The following CTSC variants were observed in gnomAD, a reference collection of about 807,000 sequenced individuals.
CTSC encodes cathepsin C.
A neutral mutation model predicts 40.9 loss-of-function variants in CTSC; 37 were observed. The observed-to-expected ratio is 0.91, with a 90% confidence interval of 0.70 to 1.19. The LOEUF is 1.19. CTSC is among the 50% of genes most tolerant of loss of function. CTSC has a pLI of 0.00. For synonymous variants in CTSC, 232 were observed against 207.4 expected, an observed-to-expected ratio of 1.12 and a Z score of -1.02; for missense variants, 594 against 567.3, an observed-to-expected ratio of 1.05 and a Z score of -0.48.
intron 2 of CTSC, chr11:88,320,729 T>C (rs1250662993): frequency 2.2e-5 from 16 of 738,038 alleles, no homozygotes; most frequent in Non-Finnish European, 2.6e-5. Context: ...ATCCAACATA[T>C]ATGGCCTGAG....
intron 4 of CTSC, among the ~76,000 whole-genome samples, chr11:88,300,892 T>A (rs1472874665): frequency 6.6e-6 from 1 of 152,052 alleles, no homozygotes; most frequent in East Asian, 1.9e-4. Context: ...ATGACACTGG[T>A]TTTGTATATC....
chr11:88,333,966 C>T (rs1306563087), intron 2 of CTSC, among the ~76,000 whole-genome samples: 1 of 152,044 alleles, frequency 6.6e-6, no homozygotes, highest in Non-Finnish European at 1.5e-5. Flanking sequence ...ATATTGTAAA[C>T]TTGCTTGGAC....
At chr11:88,329,297 C>T (rs1313804370) in intron 2 of CTSC, among the ~76,000 whole-genome samples, 7 of 151,746 alleles carry the variant, frequency 4.6e-5, no homozygotes, top group Admixed American at 4.6e-4. Context: ...GTCTGGTCAA[C>T]ATGGTGAAAC....
chr11:88,303,425 T>C (rs941781871), intron 4 of CTSC, among the ~76,000 whole-genome samples: 1 of 152,242 alleles, frequency 6.6e-6, no homozygotes, highest in African/African-American at 2.4e-5. Context: ...GGGGATCCTA[T>C]GACACCCTCC....
At chr11:88,314,223 C>A (rs768573999) in intron 2 of CTSC, among the ~76,000 whole-genome samples, 10 of 152,162 alleles carry the variant, frequency 6.6e-5, no homozygotes, top group Non-Finnish European at 1.3e-4. Flanking sequence ...AAAGGGAATA[C>A]ATAAATGAAT....
At chr11:88,313,478 CTTTTG>C (rs1937812106) in intron 2 of CTSC, among the ~76,000 whole-genome samples, 1 of 152,094 alleles carries the variant, frequency 6.6e-6, no homozygotes, top group Non-Finnish European at 1.5e-5. Context: ...GTAATATGGC[CTTTTG>C]TCTTATTTCA....
intron 2 of CTSC, chr11:88,324,742 G>T: frequency 3.0e-6 from 3 of 985,356 alleles, no homozygotes; most frequent in Non-Finnish European, 3.6e-6. Context: ...AAGTTCTGAT[G>T]TTTCTCACGG....
At position 88,337,688 on chromosome 11, in the gene CTSC, GA is replaced by G. The variant is rs779775639; in HGVS notation, c.-17del. Reference sequence around the variant, plus strand: ...CAGCACCCATGCTGCAGGGAGCTGAGAAAAGAGGTGAAGAATTACCAGGAAG... The same window carrying G: ...CAGCACCCATGCTGCAGGGAGCTGAGAAAGAGGTGAAGAATTACCAGGAAG... On this transcript the variant is annotated 5_prime_UTR_variant, in exon 1 of 7. Coordinates refer to ENST00000227266, the MANE Select transcript of CTSC (RefSeq NM_001814.6). 1.9e-6 allele frequency: 3 copies of G among 1,561,574 alleles called. No individual in the cohort carries two copies. The highest frequency in any genetic ancestry group is 4.8e-5 in the East Asian group (2 of 41,788).
Position 88,337,553 on chromosome 11 carries a change from G to A in CTSC, c.120C>T (p.Val40=), listed in dbSNP as rs1227065423. The A allele has an allele frequency of 3.8e-6, 6 of 1,577,318 alleles. No homozygotes were observed. The South Asian group carries it at 7.0e-5, about 18-fold the overall frequency. The change falls in exon 1 of 7, where the codon GTC becomes GTT. Residue 40 remains valine, a synonymous_variant. Coordinates refer to ENST00000227266, the MANE Select transcript of CTSC (RefSeq NM_001814.6). ...CTYLDLLGTW[V]FQVGSSGSQR... is the part of the protein sequence containing the mutation. ...GGGAACCGCTGGAGCCCACCTGGAA[G>A]ACCCAGGTGCCCAGCAGGTCAAGAT...
At chr11:88,303,178 C>T (rs971609723) in intron 4 of CTSC, among the ~76,000 whole-genome samples, 6 of 152,126 alleles carry the variant, frequency 3.9e-5, no homozygotes, top group Admixed American at 6.5e-5. Context: ...ACTGTCAACA[C>T]AAAAGACTTC....
chr11:88,299,615 CTGAT>C (rs1393848339), intron 5 of CTSC: 1 of 152,154 alleles, frequency 6.6e-6, no homozygotes, highest in African/African-American at 2.4e-5. Context: ...ACGGCAGAGA[CTGAT>C]TATCACTAAA....
chr11:88,296,098 T>C (rs187636253), intron 6 of CTSC, 35 bp downstream of exon 6: 27 of 1,611,422 alleles, frequency 1.7e-5, no homozygotes, highest in African/African-American at 1.5e-4. Context: ...CACAGGTAAA[T>C]AGCTCATAAA....
intron 2 of CTSC, among the ~76,000 whole-genome samples, chr11:88,319,108 G>A (rs1433296949): frequency 3.9e-5 from 6 of 152,064 alleles, no homozygotes. Flanking sequence ...ACTGACTTGA[G>A]CATCTTATCT....
chr11:88,311,501 C>G (rs571193713), intron 3 of CTSC, among the ~76,000 whole-genome samples: 1 of 152,306 alleles, frequency 6.6e-6, no homozygotes, highest in Admixed American at 6.5e-5. Context: ...CATTTCATCT[C>G]TTCCTTCCAA....
chr11:88,323,492 A>C (rs576219561), intron 2 of CTSC: 1 of 152,312 alleles, frequency 6.6e-6, no homozygotes, highest in Admixed American at 6.5e-5. Flanking sequence ...CTTTGTTTGA[A>C]GATAACATGA....
intron 2 of CTSC, among the ~76,000 whole-genome samples, chr11:88,313,371 C>G (rs1204836350): frequency 6.6e-6 from 1 of 152,138 alleles, no homozygotes; most frequent in Non-Finnish European, 1.5e-5. Context: ...AAACAGAATC[C>G]TTTTTTTCTG....
chr11:88,337,698 G>A lies in CTSC; in HGVS notation c.-26C>T, dbSNP rs1263536757. ...GCTGCAGGGAGCTGAGAAAAGAGGTGAAGAATTACCAGGAAGCCGAGCGCT... is the reference window on the plus strand; with the variant it reads ...GCTGCAGGGAGCTGAGAAAAGAGGTAAAGAATTACCAGGAAGCCGAGCGCT... On this transcript the variant is annotated 5_prime_UTR_variant, in exon 1 of 7. Coordinates refer to ENST00000227266, the MANE Select transcript of CTSC (RefSeq NM_001814.6). 5.1e-6 allele frequency: 8 copies of A among 1,557,558 alleles called. No individual in the cohort carries two copies. Among genetic ancestry groups the A allele is most frequent in the East Asian group, 4.8e-5 (2 of 41,524 alleles).
At chr11:88,331,462 G>T (rs1565265310) in intron 2 of CTSC, among the ~76,000 whole-genome samples, 1 of 152,238 alleles carries the variant, frequency 6.6e-6, no homozygotes. Flanking sequence ...GGCACTTGAA[G>T]AGATACATAG....
intron 1 of CTSC, 143 bp downstream of exon 1, chr11:88,337,358 C>G: frequency 2.4e-6 from 2 of 832,946 alleles, no homozygotes; most frequent in Non-Finnish European, 4.0e-6. Flanking sequence ...GGAAGAAGGT[C>G]CCCAAGGGTC....
Sources: allele counts gnomAD v4.1 joint callset (sites outside exome capture counted in the v4.1 genomes callset), GRCh38; gene constraint gnomAD v4.1.1; transcripts MANE v1.5; gene names NCBI Gene and HGNC (gene_info 2026-07-23, HGNC 2026-07-21).